Variants in SERPINI1 observed in about 807,000 individuals in gnomAD.
SERPINI1 encodes the protein serpin family I member 1.
In SERPINI1, 19 loss-of-function variants were observed where a neutral mutation model predicts 41.1. The observed-to-expected ratio is 0.46, with a 90% confidence interval of 0.32 to 0.68. The LOEUF (loss-of-function observed/expected upper bound fraction) is 0.68. Ranked by LOEUF, SERPINI1 falls within the 30% of genes least tolerant of loss-of-function variation. The pLI is 0.03. For synonymous variants in SERPINI1, 138 were observed against 156.6 expected (o/e 0.88, Z 0.89); for missense variants, 460 against 479.2 (o/e 0.96, Z 0.37).
chr3:167,823,084 T>A lies in SERPINI1; in HGVS notation c.1066+12T>A. On this transcript the variant is annotated intron_variant, in intron 7 of 8. Coordinates refer to ENST00000446050, the MANE Select transcript of SERPINI1 (RefSeq NM_001122752.2). ...TGCTGCTGTCTCAGGTACTGTTTGC[T>A]AGAATCTTCTCCCCTCTTCTAGATT... is the stretch of plus-strand genomic sequence containing the variant. 2.6e-6 allele frequency: 4 copies of A among 1,517,758 alleles called. No individual in the cohort carries two copies. The highest frequency in any genetic ancestry group is 3.7e-6 in the Non-Finnish European group (4 of 1,092,098). The allele number at this position is 1,517,758 out of a possible 1,614,324, so 94.0% of individuals were successfully genotyped here. A position where few individuals can be genotyped will look rare whatever the true frequency, so the allele number is the denominator to read the frequency against.
chr3:167,736,423 ATT>A (rs1725439249), intron 1 of SERPINI1, among the ~76,000 whole-genome samples: 1 of 152,224 alleles, frequency 6.6e-6, no homozygotes. Flanking sequence ...GTAAAAATGA[ATT>A]TTAATGAATG....
At chr3:167,794,956 C>CTCCTTCTCTTTCTTA (rs1727664367) in intron 5 of SERPINI1, 132 bp downstream of exon 5, 1 of 723,730 alleles carries the variant, frequency 1.4e-6, no homozygotes, top group Admixed American at 2.3e-5. Context: ...TCTTGTTCTT[C>CTCCTTCTCTTTCTTA]TCCTTCTCTT....
At chr3:167,797,739 C>CA (rs1264718746) in intron 5 of SERPINI1, among the ~76,000 whole-genome samples, 11 of 72,632 alleles carry the variant, frequency 1.5e-4, no homozygotes, top group Non-Finnish European at 2.0e-4. Context: ...ACCTACCAAG[C>CA]GTTTTTTTTT....
chr3:167,743,999 C>T (rs981634016), intron 1 of SERPINI1, among the ~76,000 whole-genome samples: 1 of 151,962 alleles, frequency 6.6e-6, no homozygotes, highest in Non-Finnish European at 1.5e-5. Context: ...ATTAAGGCTG[C>T]CTTCTCGGTA....
intron 1 of SERPINI1, among the ~76,000 whole-genome samples, chr3:167,759,558 G>C (rs1169270593): frequency 6.6e-6 from 1 of 151,890 alleles, no homozygotes; most frequent in Non-Finnish European, 1.5e-5. Flanking sequence ...TCACTTATAA[G>C]TCAGAGCTAA....
intron 1 of SERPINI1, among the ~76,000 whole-genome samples, chr3:167,758,861 A>G (rs753879903): frequency 1.3e-5 from 2 of 152,224 alleles, no homozygotes; most frequent in African/African-American, 4.8e-5. Context: ...TGGGAACTCT[A>G]CTTTTTTTCA....
chr3:167,817,609 T>G (rs1346260458), intron 6 of SERPINI1, among the ~76,000 whole-genome samples: 1 of 151,944 alleles, frequency 6.6e-6, no homozygotes, highest in Non-Finnish European at 1.5e-5. Flanking sequence ...TTTATTTTTA[T>G]TTTTTTGAGA....
intron 1 of SERPINI1, among the ~76,000 whole-genome samples, chr3:167,744,687 T>A (rs543905841): frequency 1.2e-5 from 1 of 81,112 alleles, no homozygotes; most frequent in Non-Finnish European, 2.2e-5. Context: ...AATATATATA[T>A]AAACATATAT....
intron 1 of SERPINI1, among the ~76,000 whole-genome samples, chr3:167,758,756 A>T (rs775153200): frequency 1.3e-5 from 2 of 152,214 alleles, no homozygotes; most frequent in African/African-American, 2.4e-5. Flanking sequence ...AGATTACTCA[A>T]TAACATTGTA....
At chr3:167,824,841 C>G (rs1712459710) in intron 8 of SERPINI1, among the ~76,000 whole-genome samples, 1 of 151,978 alleles carries the variant, frequency 6.6e-6, no homozygotes, top group Non-Finnish European at 1.5e-5. Flanking sequence ...GAATTCAAGA[C>G]CAGCCTGGGT....
intron 1 of SERPINI1, among the ~76,000 whole-genome samples, chr3:167,764,667 T>C (rs1231232013): frequency 6.6e-6 from 1 of 152,084 alleles, no homozygotes; most frequent in Non-Finnish European, 1.5e-5. Flanking sequence ...TCCTTCAAAG[T>C]CTTAACTCAT....
chr3:167,813,897 G>A (rs1198254190), intron 6 of SERPINI1, among the ~76,000 whole-genome samples: 2 of 152,132 alleles, frequency 1.3e-5, no homozygotes, highest in African/African-American at 4.8e-5. Context: ...CCCCACTGCA[G>A]CCACACAGCC....
chr3:167,786,314 C>A (rs1727305937), intron 1 of SERPINI1, among the ~76,000 whole-genome samples: 1 of 151,836 alleles, frequency 6.6e-6, no homozygotes, highest in Non-Finnish European at 1.5e-5. Context: ...ACCAGTCTGG[C>A]CAACATGGTG....
intron 6 of SERPINI1, among the ~76,000 whole-genome samples, chr3:167,814,189 ATTG>A (rs1369442443): frequency 6.6e-6 from 1 of 152,102 alleles, no homozygotes; most frequent in African/African-American, 2.4e-5. Context: ...TCACTTTTTT[ATTG>A]TTCTTTTATT....
intron 6 of SERPINI1, among the ~76,000 whole-genome samples, chr3:167,819,546 A>C (rs1185014752): frequency 6.6e-6 from 1 of 152,252 alleles, no homozygotes; most frequent in Non-Finnish European, 1.5e-5. Context: ...TGCACTACTT[A>C]TATCTTAATA....
In SERPINI1 at chr3:167,790,900, G is replaced by C. The variant is rs148719691; in HGVS notation, c.481+298G>C. Among the ~76,000 whole-genome samples the C allele has an allele frequency of 4.7e-4, 71 of 152,106 alleles. No individual in the cohort carries two copies. In the East Asian group the frequency reaches 0.01, roughly 22 times the overall value. On this transcript the variant is annotated intron_variant, in intron 3 of 8. Transcript: ENST00000446050. ...TTAACCACTTTATGAAATTTTGCTTGTCCTATTTAATAAATTAGTTACTAG... is the reference window on the plus strand; with the variant it reads ...TTAACCACTTTATGAAATTTTGCTTCTCCTATTTAATAAATTAGTTACTAG...
At chr3:167,807,017 A>G (rs1481769381) in intron 5 of SERPINI1, among the ~76,000 whole-genome samples, 1 of 152,262 alleles carries the variant, frequency 6.6e-6, no homozygotes, top group African/African-American at 2.4e-5. Context: ...TGTCTATATC[A>G]TATATTTTCC....
intron 1 of SERPINI1, among the ~76,000 whole-genome samples, chr3:167,788,333 G>A (rs780915677): frequency 1.3e-5 from 2 of 152,154 alleles, no homozygotes; most frequent in Non-Finnish European, 2.9e-5. Flanking sequence ...AGAACCTGAT[G>A]AGCCTGATAA....
At chr3:167,775,257 T>C (rs541230478) in intron 1 of SERPINI1, among the ~76,000 whole-genome samples, 1 of 146,856 alleles carries the variant, frequency 6.8e-6, no homozygotes, top group Non-Finnish European at 1.5e-5. Flanking sequence ...TTATTATTAT[T>C]ATTATTATTA....
Sources: gnomAD v4.1 joint callset for allele counts (sites outside exome capture counted in the v4.1 genomes callset) on GRCh38, gnomAD v4.1.1 for gene constraint, MANE v1.5 for transcripts, NCBI Gene and HGNC (gene_info 2026-07-23, HGNC 2026-07-21) for gene names.